The following PPFIA2 variants were observed in gnomAD, a reference collection of about 807,000 sequenced individuals.
PPFIA2 encodes liprin-alpha-2.
In PPFIA2, 46 loss-of-function variants were observed where a neutral mutation model predicts 175.5. The ratio of observed to expected loss-of-function variants is 0.26; its 90% confidence interval spans 0.21 to 0.34. PPFIA2 has a LOEUF of 0.34. Ranked by LOEUF, PPFIA2 falls within the 10% of genes least tolerant of loss-of-function variation. The pLI, the probability that PPFIA2 is intolerant of heterozygous loss-of-function variation, is 1.00. For synonymous variants in PPFIA2, 568 were observed against 511.4 expected (o/e 1.11, Z -1.49); for missense variants, 1,179 against 1,506.1 (o/e 0.78, Z 3.60).
chr12:81,679,268 C>T (rs188708661), intron 3 of PPFIA2, among the ~76,000 whole-genome samples: 7 of 151,820 alleles, frequency 4.6e-5, no homozygotes, highest in Admixed American at 3.9e-4. Context: ...TCCAATTATA[C>T]TTAAAATGAA....
At chr12:81,406,397 TA>T (rs929523055) in intron 7 of PPFIA2, among the ~76,000 whole-genome samples, 3 of 151,404 alleles carry the variant, frequency 2.0e-5, no homozygotes, top group Admixed American at 6.6e-5. Flanking sequence ...CAGCTGAACT[TA>T]AAAAAAAATT....
intron 6 of PPFIA2, among the ~76,000 whole-genome samples, chr12:81,444,394 T>A (rs2050832750): frequency 6.6e-6 from 1 of 152,152 alleles, no homozygotes; most frequent in African/African-American, 2.4e-5. Flanking sequence ...TATAAACTCT[T>A]GCAAATTCTT....
At chr12:81,402,486 G>T (rs1004420103) in intron 8 of PPFIA2, among the ~76,000 whole-genome samples, 2 of 152,082 alleles carry the variant, frequency 1.3e-5, no homozygotes, top group African/African-American at 4.8e-5. Flanking sequence ...TGTAACTTGG[G>T]AGTATTTATA....
intron 4 of PPFIA2, among the ~76,000 whole-genome samples, chr12:81,666,531 T>C (rs577346546): frequency 6.6e-6 from 1 of 152,220 alleles, no homozygotes; most frequent in African/African-American, 2.4e-5. Context: ...AAACACCACA[T>C]GTTCTCACTC....
intron 24 of PPFIA2, among the ~76,000 whole-genome samples, chr12:81,292,124 T>C (rs1265051725): frequency 6.6e-6 from 1 of 152,052 alleles, no homozygotes; most frequent in African/African-American, 2.4e-5. Flanking sequence ...TGTATCATAT[T>C]TTTCATCTGG....
At chr12:81,570,733 T>G (rs933446199) in intron 4 of PPFIA2, among the ~76,000 whole-genome samples, 1 of 148,884 alleles carries the variant, frequency 6.7e-6, no homozygotes, top group Non-Finnish European at 1.5e-5. Flanking sequence ...ATATAAAATA[T>G]ATCAATTAAT....
chr12:81,701,534 C>T (rs1488791116), intron 3 of PPFIA2, among the ~76,000 whole-genome samples: 1 of 152,078 alleles, frequency 6.6e-6, no homozygotes, highest in Non-Finnish European at 1.5e-5. Flanking sequence ...GGGCTCAAAT[C>T]ACGGCTCTGA....
chr12:81,394,871 G>C (rs912746060), intron 8 of PPFIA2, among the ~76,000 whole-genome samples: 8 of 150,920 alleles, frequency 5.3e-5, no homozygotes, highest in African/African-American at 1.9e-4. Flanking sequence ...ATTGTATTCT[G>C]AAAATACTTC....
At chr12:81,538,467 G>C (rs562417163) in intron 4 of PPFIA2, among the ~76,000 whole-genome samples, 18 of 151,850 alleles carry the variant, frequency 1.2e-4, no homozygotes, top group African/African-American at 4.4e-4. Context: ...TTATGTAACA[G>C]AGAGAAGATA....
chr12:81,436,343 C>T, intron 7 of PPFIA2, among the ~76,000 whole-genome samples: 1 of 105,654 alleles, frequency 9.5e-6, no homozygotes, highest in African/African-American at 3.5e-5. Context: ...AAATCTGATG[C>T]ATCAGATAAA....
At chr12:81,634,181 A>G (rs373009210) in intron 4 of PPFIA2, among the ~76,000 whole-genome samples, 119 of 152,168 alleles carry the variant, frequency 7.8e-4, no homozygotes, top group African/African-American at 2.6e-3. Flanking sequence ...GCTGCTCTGT[A>G]TAATTGGTTA....
chr12:81,654,432 C>T (rs1344915681), intron 4 of PPFIA2, among the ~76,000 whole-genome samples: 1 of 151,964 alleles, frequency 6.6e-6, no homozygotes, highest in Non-Finnish European at 1.5e-5. Flanking sequence ...ATGTATGGAT[C>T]TTGGTGATTT....
chr12:81,492,895 T>TA (rs1463356072), intron 4 of PPFIA2, among the ~76,000 whole-genome samples: 3 of 151,982 alleles, frequency 2.0e-5, no homozygotes, highest in Non-Finnish European at 4.4e-5. Flanking sequence ...TGGAAAAAGA[T>TA]AAAGGTGACT....
intron 7 of PPFIA2, among the ~76,000 whole-genome samples, chr12:81,438,293 C>A (rs1480208722): frequency 6.6e-6 from 1 of 152,122 alleles, no homozygotes; most frequent in South Asian, 2.1e-4. Flanking sequence ...CATGGTGAAA[C>A]CCCGTCTCTA....
intron 3 of PPFIA2, among the ~76,000 whole-genome samples, chr12:81,691,062 T>G (rs536836288): frequency 2.0e-5 from 3 of 152,232 alleles, no homozygotes; most frequent in African/African-American, 4.8e-5. Flanking sequence ...AAAGGTAACA[T>G]AGCCACATGT....
chr12:81,356,671 A>T (rs566273548), intron 16 of PPFIA2, among the ~76,000 whole-genome samples: 1 of 150,002 alleles, frequency 6.7e-6, no homozygotes, highest in East Asian at 1.9e-4. Context: ...TCAAAAAAAT[A>T]AAAAAAAAGA....
intron 8 of PPFIA2, among the ~76,000 whole-genome samples, chr12:81,400,332 G>A (rs926112471): frequency 6.6e-5 from 10 of 152,076 alleles, no homozygotes; most frequent in African/African-American, 2.4e-4. Flanking sequence ...TTCTAAAACA[G>A]CATTGTATTG....
intron 3 of PPFIA2, among the ~76,000 whole-genome samples, chr12:81,677,977 T>C (rs2072884863): frequency 6.6e-6 from 1 of 151,906 alleles, no homozygotes; most frequent in African/African-American, 2.4e-5. Flanking sequence ...AGGTTTTTAG[T>C]GTTTGCAACT....
At chr12:81,578,367 C>A (rs911092036) in intron 4 of PPFIA2, among the ~76,000 whole-genome samples, 2 of 151,628 alleles carry the variant, frequency 1.3e-5, no homozygotes, top group African/African-American at 4.8e-5. Context: ...TTATTATTAT[C>A]ATCATCATCA....
Sources: allele counts gnomAD v4.1 joint callset (sites outside exome capture counted in the v4.1 genomes callset), GRCh38; gene constraint gnomAD v4.1.1; transcripts MANE v1.5; gene names NCBI Gene and HGNC (gene_info 2026-07-23, HGNC 2026-07-21).